Variants in KLF17 observed in about 807,000 individuals in gnomAD.
KLF17 encodes the protein Krueppel-like factor 17.
A neutral mutation model predicts 34.2 loss-of-function variants in KLF17; 31 were observed. That is an observed-to-expected ratio of 0.91 (90% CI 0.68 to 1.22). The LOEUF (loss-of-function observed/expected upper bound fraction) is 1.22, where lower values mean the gene tolerates loss of function less well. Ranked by LOEUF, KLF17 falls within the 50% of genes most tolerant of loss-of-function variation. The probability of loss-of-function intolerance (pLI) is 0.00; values close to 1 mark genes in which losing one functional copy is unlikely to be tolerated. For missense variants in KLF17, 478 were observed against 505.2 expected (o/e 0.95, Z 0.52); for synonymous variants, 179 against 186.7 (o/e 0.96, Z 0.34).
chr1:44,111,463 G>GTT, the KLF17 span, among the ~76,000 whole-genome samples: 33,504 of 90,202 alleles, frequency 0.37, 6,978 homozygotes, highest in Non-Finnish European at 0.45. Context: ...TTTGCAACTT[G>GTT]TTTTTTTTTT....
chr1:44,113,930 G>C (rs1334777943), upstream of KLF17: 1 of 152,474 alleles, frequency 6.6e-6, no homozygotes, highest in Non-Finnish European at 1.5e-5. Flanking sequence ...AGGTAACAGG[G>C]AAAATGGCAG....
the KLF17 span, among the ~76,000 whole-genome samples, chr1:44,100,619 T>C: frequency 7.0e-6 from 1 of 142,210 alleles, no homozygotes; most frequent in Admixed American, 7.2e-5. Context: ...ACTTGGCTGT[T>C]TTGTTTTTGT....
the KLF17 span, among the ~76,000 whole-genome samples, chr1:44,098,301 G>A: frequency 2.8e-3 from 432 of 152,110 alleles, 2 homozygotes; most frequent in African/African-American, 0.01. Flanking sequence ...GGTATCAGTT[G>A]TAATGTCTCC....
chr1:44,107,592 G>A, the KLF17 span, among the ~76,000 whole-genome samples: 1 of 152,142 alleles, frequency 6.6e-6, no homozygotes. Flanking sequence ...TCCTGCTCAG[G>A]AGGAATCATT....
chr1:44,119,937 G>A (rs530042525), intron 1 of KLF17, among the ~76,000 whole-genome samples: 16 of 152,340 alleles, frequency 1.1e-4, no homozygotes, highest in African/African-American at 3.8e-4. Context: ...TGATAATCCA[G>A]GTGAGAATTC....
Position 44,130,179 on chromosome 1 carries a change from A to G in KLF17, c.908A>G (p.His303Arg). 1 of 1,612,486 alleles carries G rather than the reference A, an allele frequency of 6.2e-7. No homozygotes were observed. Among genetic ancestry groups the G allele is most frequent in the Non-Finnish European group, 8.5e-7 (1 of 1,179,074 alleles). ...AYTKRSHLVS[H>R]QRKHTGERPY... ...ACCAAACGCTCCCACCTCGTGAGCC[A>G]CCAGCGCAAGCACACAGGTGAAGGA... Residue 303 changes from histidine (H) to arginine (R), a missense_variant, in exon 2 of 4, where the codon CAC (histidine) becomes CGC (arginine). His to Arg is a conservative substitution (Grantham distance 29). Transcript: ENST00000372299.
At chr1:44,065,997 A>G in the KLF17 span, among the ~76,000 whole-genome samples, 2 of 152,178 alleles carry the variant, frequency 1.3e-5, no homozygotes, top group East Asian at 1.9e-4. Context: ...ATAAGATATC[A>G]TTTACATCCA....
the KLF17 span, among the ~76,000 whole-genome samples, chr1:44,080,697 T>C: frequency 6.6e-6 from 1 of 150,638 alleles, no homozygotes; most frequent in African/African-American, 2.4e-5. Context: ...CTTTAATTCA[T>C]GGTGAATTAT....
At chr1:44,104,226 A>C in the KLF17 span, 4 of 1,110,616 alleles carry the variant, frequency 3.6e-6, no homozygotes, top group Non-Finnish European at 5.5e-6. Flanking sequence ...ACGCTTATTG[A>C]TCTCATCCTC....
At chr1:44,066,338 C>T in the KLF17 span, among the ~76,000 whole-genome samples, 3 of 145,290 alleles carry the variant, frequency 2.1e-5, no homozygotes, top group Admixed American at 2.0e-4. Flanking sequence ...AAACAAAAAC[C>T]CTCCCCCCAA....
the KLF17 span, among the ~76,000 whole-genome samples, chr1:44,079,685 C>T: frequency 3.9e-5 from 6 of 152,130 alleles, no homozygotes; most frequent in Non-Finnish European, 5.9e-5. Flanking sequence ...ATTGACAAAT[C>T]AGTCAGATTT....
At chr1:44,052,133 CCTGAGCCT>C in the KLF17 span, 5 of 152,226 alleles carry the variant, frequency 3.3e-5, no homozygotes, top group Non-Finnish European at 5.9e-5. Flanking sequence ...CAGCAGGCTT[CCTGAGCCT>C]TAGGCATTAC....
At chr1:44,121,134 GAGAC>G (rs1397667396) in intron 1 of KLF17, among the ~76,000 whole-genome samples, 2 of 151,972 alleles carry the variant, frequency 1.3e-5, no homozygotes, top group African/African-American at 4.8e-5. Context: ...ACTTTCTTTT[GAGAC>G]AGGGTCTTGG....
chr1:44,096,353 T>C, the KLF17 span, among the ~76,000 whole-genome samples: 5 of 152,132 alleles, frequency 3.3e-5, no homozygotes, highest in Admixed American at 1.3e-4. Flanking sequence ...CTAATTGCTC[T>C]GGCTAAGACT....
At chr1:44,056,829 A>C in the KLF17 span, among the ~76,000 whole-genome samples, 1 of 152,112 alleles carries the variant, frequency 6.6e-6, no homozygotes, top group African/African-American at 2.4e-5. Flanking sequence ...GTCATGACCC[A>C]CCACCAAGTA....
At chr1:44,099,917 G>A in the KLF17 span, among the ~76,000 whole-genome samples, 1 of 61,682 alleles carries the variant, frequency 1.6e-5, no homozygotes, top group South Asian at 7.3e-4. Context: ...AAGAAAGAAA[G>A]AAAAGAAAGG....
At chr1:44,111,463 G>GTTTTTTTTTTTTTTT in the KLF17 span, among the ~76,000 whole-genome samples, 1 of 90,474 alleles carries the variant, frequency 1.1e-5, no homozygotes, top group Non-Finnish European at 2.1e-5. Flanking sequence ...TTTGCAACTT[G>GTTTTTTTTTTTTTTT]TTTTTTTTTT....
At chr1:44,076,942 C>T in the KLF17 span, 1 of 144,764 alleles carries the variant, frequency 6.9e-6, no homozygotes, top group African/African-American at 2.6e-5. Context: ...TACTATGTTG[C>T]TCAGGCTGGT....
chr1:44,129,968 T>C lies in KLF17; in HGVS notation c.697T>C (p.Leu233=). 1.2e-6 allele frequency: 2 copies of C among 1,614,092 alleles called. No individual in the cohort carries two copies. Among genetic ancestry groups the C allele is most frequent in the Non-Finnish European group, 1.7e-6 (2 of 1,180,004 alleles). Residue 233 remains leucine (L), a synonymous_variant, in exon 2 of 4, where the codon TTA becomes CTA. Coordinates refer to ENST00000372299, the MANE Select transcript of KLF17 (RefSeq NM_173484.4). ...PPAESQSLLV[L]GSQDSLVSQP... ...AGCTGAGTCCCAGTCATTGCTGGTT[T>C]TAGGATCTCAGGACTCTCTTGTCAG...
Sources: gnomAD v4.1 joint callset for allele counts (sites outside exome capture counted in the v4.1 genomes callset) on GRCh38, gnomAD v4.1.1 for gene constraint, MANE v1.5 for transcripts, NCBI Gene and HGNC (gene_info 2026-07-23, HGNC 2026-07-21) for gene names.